Variants in MDGA2 observed in about 807,000 individuals in gnomAD.
The protein encoded by MDGA2 is MAM domain containing glycosylphosphatidylinositol anchor 2.
Under a neutral mutation model 117.8 loss-of-function variants are expected in MDGA2, and 40 were observed. The ratio of observed to expected loss-of-function variants is 0.34; its 90% CI spans 0.26 to 0.44. The LOEUF (loss-of-function observed/expected upper bound fraction) is 0.44, where lower values mean the gene tolerates loss of function less well. Among genes scored for constraint, MDGA2 ranks in the 20% least tolerant of loss-of-function variants. The probability of loss-of-function intolerance (pLI) is 1.00; values close to 1 mark genes in which losing one functional copy is unlikely to be tolerated. For synonymous variants in MDGA2, 452 were observed against 439.0 expected (o/e 1.03, Z -0.37); for missense variants, 1,123 against 1,250.6 (o/e 0.90, Z 1.54).
intron 1 of MDGA2, among the ~76,000 whole-genome samples, chr14:47,516,791 A>G (rs1894761988): frequency 6.6e-6 from 1 of 152,154 alleles, no homozygotes; most frequent in South Asian, 2.1e-4. Flanking sequence ...GAAAAATCTT[A>G]TTTTGCAGAT....
intron 6 of MDGA2, among the ~76,000 whole-genome samples, chr14:47,074,721 TA>T (rs1436255810): frequency 6.6e-6 from 1 of 152,192 alleles, no homozygotes; most frequent in African/African-American, 2.4e-5. Flanking sequence ...CCAGACCAAT[TA>T]TACTTCCATT....
intron 3 of MDGA2, among the ~76,000 whole-genome samples, chr14:47,184,017 TC>T (rs769813524): frequency 1.4e-4 from 22 of 152,078 alleles, no homozygotes; most frequent in Non-Finnish European, 2.8e-4. Context: ...TAAATCCTCT[TC>T]CCATGCAATT....
intron 6 of MDGA2, among the ~76,000 whole-genome samples, chr14:47,088,787 T>C (rs1342691280): frequency 1.3e-5 from 2 of 152,186 alleles, no homozygotes; most frequent in Non-Finnish European, 2.9e-5. Flanking sequence ...TTGTCTTTAG[T>C]GATTCCCACT....
At chr14:47,240,730 A>C (rs1887012597) in intron 2 of MDGA2, among the ~76,000 whole-genome samples, 1 of 151,960 alleles carries the variant, frequency 6.6e-6, no homozygotes, top group Non-Finnish European at 1.5e-5. Flanking sequence ...TTAGCAAAAA[A>C]TACATTACCC....
At chr14:47,287,215 T>C (rs1888717102) in intron 2 of MDGA2, among the ~76,000 whole-genome samples, 1 of 152,036 alleles carries the variant, frequency 6.6e-6, no homozygotes, top group Admixed American at 6.6e-5. Flanking sequence ...TCCTGTGATA[T>C]ATGCCAAGCC....
At chr14:47,318,810 G>GGAAGGAAGGAAGGAAGC (rs1555373009) in intron 1 of MDGA2, among the ~76,000 whole-genome samples, 2 of 149,944 alleles carry the variant, frequency 1.3e-5, no homozygotes, top group Non-Finnish European at 3.0e-5. Flanking sequence ...AGGGAGGAAA[G>GGAAGGAAGGAAGGAAGC]AAGGAAGGAA....
At chr14:47,643,850 T>A (rs951879189) in intron 1 of MDGA2, among the ~76,000 whole-genome samples, 1 of 152,026 alleles carries the variant, frequency 6.6e-6, no homozygotes, top group African/African-American at 2.4e-5. Flanking sequence ...AAAAGAAAAA[T>A]TTTTGTGAGG....
Position 47,061,406 on chromosome 14 carries a change from G to A in MDGA2, c.1368C>T (p.Val456=). ...AGACATCAGGATCAGTCTGTGTAAT[G>A]ACCATCCGCTCAGAACTTCTTAATG... ...GRPLRSSERM[V]ITQTDPDVSP... is the part of the protein sequence containing the mutation. Residue 456 remains valine (V), a synonymous_variant, in exon 7 of 17, where the codon GTC becomes GTT. Transcript: ENST00000399232. 6.2e-7 allele frequency: 1 copy of A among 1,613,616 alleles called. No individual in the cohort carries two copies. The highest frequency in any genetic ancestry group is 8.5e-7 in the Non-Finnish European group (1 of 1,179,678).
At chr14:47,590,511 T>C (rs911128245) in intron 1 of MDGA2, among the ~76,000 whole-genome samples, 8 of 151,740 alleles carry the variant, frequency 5.3e-5, no homozygotes, top group East Asian at 3.9e-4. Context: ...ATCAGAAAAA[T>C]TGGAGGTCTG....
chr14:47,207,739 T>G (rs972107696), intron 3 of MDGA2, among the ~76,000 whole-genome samples: 8 of 151,986 alleles, frequency 5.3e-5, no homozygotes, highest in Non-Finnish European at 1.2e-4. Flanking sequence ...CAGCATTACC[T>G]CATGAAACAG....
chr14:47,410,046 C>T (rs762832479), intron 1 of MDGA2, among the ~76,000 whole-genome samples: 1 of 152,130 alleles, frequency 6.6e-6, no homozygotes, highest in Non-Finnish European at 1.5e-5. Flanking sequence ...AAAACTTTTT[C>T]TAATTGGTCC....
chr14:47,457,404 A>T (rs1859652888), intron 1 of MDGA2, among the ~76,000 whole-genome samples: 1 of 152,216 alleles, frequency 6.6e-6, no homozygotes, highest in Non-Finnish European at 1.5e-5. Flanking sequence ...GTACAAACTC[A>T]TTACCCTTCG....
chr14:47,168,756 T>C (rs759315650), intron 3 of MDGA2, among the ~76,000 whole-genome samples: 4 of 152,106 alleles, frequency 2.6e-5, no homozygotes, highest in Non-Finnish European at 5.9e-5. Context: ...TACATTTATA[T>C]GTTAAATTAA....
rs754452126 is a variant in MDGA2 at position 47,596,998 on chromosome 14, T to C, written c.280+77519A>G. Among the ~76,000 whole-genome samples, 61 of 152,286 alleles carry C rather than the reference T, an allele frequency of 4.0e-4. No individual in the cohort carries two copies. The Middle Eastern group carries it at 0.01, about 25-fold the overall frequency. On this transcript the variant is annotated intron_variant, in intron 1 of 16. Transcript: ENST00000399232. ...GTAGCTAAATAAAATCAAGGATTCA[T>C]GCTAAGGTGTTAGCGACTCACTGTG...
chr14:46,922,214 G>A lies in MDGA2; in HGVS notation c.2090-2054C>T, dbSNP rs531203506. On this transcript the variant is annotated intron_variant, in intron 9 of 16. Transcript: ENST00000399232. ...ATACCAGTGATTTCCGAATAAAATG[G>A]TAAATATTTTGACTTAGAAATGTTC... Among the ~76,000 whole-genome samples the A allele has an allele frequency of 6.6e-5, 10 of 152,186 alleles. No homozygotes were observed. In the East Asian group the frequency reaches 7.7e-4, roughly 12 times the overall value.
chr14:46,992,266 T>C (rs1394046082), intron 8 of MDGA2, among the ~76,000 whole-genome samples: 2 of 152,070 alleles, frequency 1.3e-5, no homozygotes, highest in Admixed American at 1.3e-4. Flanking sequence ...AATTTGGAGG[T>C]GGCTAAATTG....
intron 1 of MDGA2, among the ~76,000 whole-genome samples, chr14:47,523,109 T>C (rs1330016068): frequency 6.6e-6 from 1 of 152,166 alleles, no homozygotes; most frequent in Non-Finnish European, 1.5e-5. Context: ...CAACATGCTC[T>C]TGAAATAGGA....
At chr14:46,863,741 T>A (rs1414779268) in intron 14 of MDGA2, among the ~76,000 whole-genome samples, 1 of 152,142 alleles carries the variant, frequency 6.6e-6, no homozygotes, top group Non-Finnish European at 1.5e-5. Flanking sequence ...TTTTATTACA[T>A]ACATTGTCTA....
At chr14:47,215,008 G>T (rs1375890582) in intron 3 of MDGA2, among the ~76,000 whole-genome samples, 1 of 152,030 alleles carries the variant, frequency 6.6e-6, no homozygotes, top group Admixed American at 6.6e-5. Context: ...TCAGCTTGGT[G>T]TTGTAAAAAT....
Sources: allele counts gnomAD v4.1 joint callset (sites outside exome capture counted in the v4.1 genomes callset), GRCh38; gene constraint gnomAD v4.1.1; transcripts MANE v1.5; gene names NCBI Gene and HGNC (gene_info 2026-07-23, HGNC 2026-07-21).